PLPPR1: variants seen among roughly 807,000 people sequenced by gnomAD.
PLPPR1 encodes the protein phospholipid phosphatase-related protein type 1.
Under a neutral mutation model 33.1 loss-of-function variants are expected in PLPPR1, and 10 were observed. The ratio of observed to expected loss-of-function variants is 0.30; its 90% confidence interval spans 0.19 to 0.51. The LOEUF is 0.51. Among genes scored for constraint, PLPPR1 ranks in the 20% least tolerant of loss-of-function variants. The probability of loss-of-function intolerance (pLI) is 0.97; values close to 1 mark genes in which losing one functional copy is unlikely to be tolerated. For missense variants in PLPPR1, 304 were observed against 408.1 expected (o/e 0.74, Z 2.20); for synonymous variants, 151 against 151.0 (o/e 1.00, Z 0.00).
At chr9:101,189,058 T>G (rs972698516) in intron 2 of PLPPR1, among the ~76,000 whole-genome samples, 3 of 151,998 alleles carry the variant, frequency 2.0e-5, no homozygotes, top group African/African-American at 7.2e-5. Context: ...AAGAGATTTA[T>G]TGTGAGCTAA....
intron 2 of PLPPR1, among the ~76,000 whole-genome samples, chr9:101,260,586 G>A (rs115309754): frequency 0.011 from 1,614 of 152,248 alleles, 27 homozygotes; most frequent in African/African-American, 0.036. Flanking sequence ...GAGAATGGTC[G>A]TTGGATTTAC....
In PLPPR1 at chr9:101,151,373, G is replaced by A. The variant is rs1045288354; in HGVS notation, c.-45-34077G>A. Among the ~76,000 whole-genome samples the A allele has an allele frequency of 3.9e-5, 6 of 152,130 alleles. No homozygotes were observed. In the East Asian group the frequency reaches 1.2e-3, roughly 29 times the overall value. On this transcript the variant is annotated intron_variant, in intron 1 of 7. Coordinates refer to ENST00000374874, the MANE Select transcript of PLPPR1 (RefSeq NM_207299.2). ...TTTATCCTAAGAAACTTAGTTGCTG[G>A]AATACCCAAAGGCCTTTTTATTTAT...
intron 2 of PLPPR1, among the ~76,000 whole-genome samples, chr9:101,201,396 T>C (rs10989423): frequency 0.13 from 19,026 of 152,166 alleles, 1,424 homozygotes; most frequent in East Asian, 0.28. Context: ...TTCTTTGGCA[T>C]CTCCTAAGAT....
At chr9:101,076,064 G>C (rs1188126100) in intron 1 of PLPPR1, among the ~76,000 whole-genome samples, 1 of 152,130 alleles carries the variant, frequency 6.6e-6, no homozygotes, top group Non-Finnish European at 1.5e-5. Context: ...AGGTACAGCA[G>C]TGGTTCTCAA....
At chr9:101,113,848 T>C (rs905174627) in intron 1 of PLPPR1, among the ~76,000 whole-genome samples, 5 of 152,182 alleles carry the variant, frequency 3.3e-5, no homozygotes, top group Non-Finnish European at 7.3e-5. Flanking sequence ...CTTTTGGTTA[T>C]GTTGCAGAAT....
At chr9:101,204,326 T>G (rs1826550212) in intron 2 of PLPPR1, among the ~76,000 whole-genome samples, 1 of 152,230 alleles carries the variant, frequency 6.6e-6, no homozygotes, top group East Asian at 1.9e-4. Flanking sequence ...AGTTTCAAGA[T>G]AAGCATGAAA....
intron 4 of PLPPR1, among the ~76,000 whole-genome samples, chr9:101,307,064 C>A (rs1384019518): frequency 1.3e-5 from 2 of 152,204 alleles, no homozygotes; most frequent in African/African-American, 4.8e-5. Context: ...CTTCCTGAAG[C>A]TGGATCAAAT....
At chr9:101,321,089 T>C (rs77977564) in intron 7 of PLPPR1, among the ~76,000 whole-genome samples, 3,758 of 152,352 alleles carry the variant, frequency 0.025, 68 homozygotes, top group Middle Eastern at 0.075. Flanking sequence ...CCATGGTTTC[T>C]GTTAGAAACG....
At chr9:101,232,500 GA>G (rs1197638510) in intron 2 of PLPPR1, among the ~76,000 whole-genome samples, 6 of 149,628 alleles carry the variant, frequency 4.0e-5, no homozygotes, top group South Asian at 4.2e-4. Context: ...CTTAAAAAGA[GA>G]AAAAAAATAA....
chr9:101,306,276 A>T (rs1564033083), intron 4 of PLPPR1, among the ~76,000 whole-genome samples: 2 of 152,090 alleles, frequency 1.3e-5, no homozygotes, highest in African/African-American at 2.4e-5. Flanking sequence ...TTTACAAAAA[A>T]CCCTTCTGGA....
intron 1 of PLPPR1, among the ~76,000 whole-genome samples, chr9:101,079,582 C>T (rs1016314229): frequency 3.8e-5 from 4 of 104,128 alleles, no homozygotes; most frequent in African/African-American, 1.5e-4. Context: ...ATTTTGATTG[C>T]CTTTTTTTTT....
At chr9:101,266,135 T>C (rs1827987945) in intron 2 of PLPPR1, among the ~76,000 whole-genome samples, 1 of 147,290 alleles carries the variant, frequency 6.8e-6, no homozygotes, top group Admixed American at 6.8e-5. Flanking sequence ...TGCTTGAAAA[T>C]GACAGGGAAG....
At chr9:101,127,938 T>C (rs567634593) in intron 1 of PLPPR1, among the ~76,000 whole-genome samples, 1 of 151,948 alleles carries the variant, frequency 6.6e-6, no homozygotes, top group South Asian at 2.1e-4. Context: ...GGATGAGAAA[T>C]AGAGAAAGAG....
chr9:101,141,343 C>T (rs1490096493), intron 1 of PLPPR1, among the ~76,000 whole-genome samples: 2 of 152,142 alleles, frequency 1.3e-5, no homozygotes, highest in African/African-American at 4.8e-5. Flanking sequence ...TGAGCATCCT[C>T]GTTATGCCAG....
At chr9:101,205,970 G>A (rs1233391540) in intron 2 of PLPPR1, among the ~76,000 whole-genome samples, 1 of 152,142 alleles carries the variant, frequency 6.6e-6, no homozygotes, top group East Asian at 1.9e-4. Flanking sequence ...TCTCCTCAGA[G>A]AGACTGTCAA....
chr9:101,088,562 TA>T (rs997437505), intron 1 of PLPPR1, among the ~76,000 whole-genome samples: 1 of 151,938 alleles, frequency 6.6e-6, no homozygotes, highest in Non-Finnish European at 1.5e-5. Context: ...TCCTTTCTTT[TA>T]AAAAAAATAA....
chr9:101,233,277 T>C (rs549268079), intron 2 of PLPPR1, among the ~76,000 whole-genome samples: 109 of 152,122 alleles, frequency 7.2e-4, no homozygotes, highest in Non-Finnish European at 1.3e-3. Context: ...TTAGGGCCAT[T>C]CTTCATTTAC....
At chr9:101,226,923 T>C (rs1204915637) in intron 2 of PLPPR1, among the ~76,000 whole-genome samples, 7 of 152,110 alleles carry the variant, frequency 4.6e-5, no homozygotes, top group Admixed American at 4.6e-4. Context: ...ACATATGTCC[T>C]GTTGGGTGGC....
intron 1 of PLPPR1, among the ~76,000 whole-genome samples, chr9:101,031,818 C>A (rs1403403806): frequency 6.6e-6 from 1 of 152,076 alleles, no homozygotes; most frequent in East Asian, 1.9e-4. Flanking sequence ...TTGAGAGTGT[C>A]TGATAAATTA....
Sources: gnomAD v4.1 joint callset for allele counts (sites outside exome capture counted in the v4.1 genomes callset) on GRCh38, gnomAD v4.1.1 for gene constraint, MANE v1.5 for transcripts, NCBI Gene and HGNC (gene_info 2026-07-23, HGNC 2026-07-21) for gene names.